Variants in ATP6V1A observed in about 807,000 individuals in gnomAD.
ATP6V1A encodes the protein ATPase H+ transporting V1 subunit A.
A neutral mutation model predicts 70.1 loss-of-function variants in ATP6V1A; 18 were observed. That is an observed-to-expected ratio of 0.26 (90% CI 0.18 to 0.38). The LOEUF (loss-of-function observed/expected upper bound fraction) is 0.38, where lower values mean the gene tolerates loss of function less well. Among genes scored for constraint, ATP6V1A ranks in the 10% least tolerant of loss-of-function variants. The pLI, the probability that ATP6V1A is intolerant of heterozygous loss-of-function variation, is 1.00. For synonymous variants in ATP6V1A, 232 were observed against 253.8 expected (o/e 0.91, Z 0.82); for missense variants, 424 against 772.4 (o/e 0.55, Z 5.35).
chr3:113,748,563 C>T (rs1335434671), intron 1 of ATP6V1A, among the ~76,000 whole-genome samples: 1 of 152,128 alleles, frequency 6.6e-6, no homozygotes, highest in Non-Finnish European at 1.5e-5. Flanking sequence ...TTTTGTTTTT[C>T]TGTGTCTTCC....
intron 11 of ATP6V1A, among the ~76,000 whole-genome samples, chr3:113,797,306 GC>G (rs922938698): frequency 5.9e-4 from 89 of 150,342 alleles, no homozygotes; most frequent in African/African-American, 1.8e-3. Context: ...AGGCTGGAGT[GC>G]AGTGGCGTGA....
At chr3:113,759,359 T>C (rs1163011452) in intron 1 of ATP6V1A, among the ~76,000 whole-genome samples, 1 of 151,636 alleles carries the variant, frequency 6.6e-6, no homozygotes, top group African/African-American at 2.4e-5. Context: ...ATATGCTTTC[T>C]ACACTGAATT....
chr3:113,782,560 G>GTGTATATATATA (rs1559755558), intron 3 of ATP6V1A, among the ~76,000 whole-genome samples: 50 of 141,900 alleles, frequency 3.5e-4, no homozygotes, highest in African/African-American at 1.1e-3. Flanking sequence ...ATATATACAT[G>GTGTATATATATA]TGTATATATA....
At chr3:113,765,926 CA>C (rs1301398842) in intron 1 of ATP6V1A, among the ~76,000 whole-genome samples, 36 of 149,962 alleles carry the variant, frequency 2.4e-4, no homozygotes, top group Admixed American at 2.2e-3. Context: ...GACTCCATCT[CA>C]AAAAAAAAGG....
chr3:113,753,374 A>G (rs758654404), intron 1 of ATP6V1A, among the ~76,000 whole-genome samples: 10 of 152,222 alleles, frequency 6.6e-5, no homozygotes, highest in Non-Finnish European at 1.0e-4. Flanking sequence ...CTAGTAAACA[A>G]TCAAGCAACA....
chr3:113,789,856 G>T lies in ATP6V1A; in HGVS notation c.988+16G>T. On this transcript the variant is annotated intron_variant, in intron 8 of 14. Coordinates refer to ENST00000273398, the MANE Select transcript of ATP6V1A (RefSeq NM_001690.4). ...ATTTATACTGGTGAGTATATAATTGGAATAAAAGCAGTTAACATCTGTTCT... is the reference window on the plus strand; with the variant it reads ...ATTTATACTGGTGAGTATATAATTGTAATAAAAGCAGTTAACATCTGTTCT... 1 of 1,551,476 alleles carries T rather than the reference G, an allele frequency of 6.4e-7. No homozygotes were observed. The highest frequency in any genetic ancestry group is 1.1e-5 in the South Asian group (1 of 89,466).
intron 1 of ATP6V1A, among the ~76,000 whole-genome samples, chr3:113,751,301 C>A (rs1708583433): frequency 6.6e-6 from 1 of 151,646 alleles, no homozygotes; most frequent in African/African-American, 2.4e-5. Context: ...TTCTTAAATT[C>A]ATGATTCACA....
In ATP6V1A at chr3:113,805,450, C is replaced by T; in HGVS notation, c.1686C>T (p.Asp562=). Residue 562 remains aspartate, a synonymous_variant, in exon 14 of 15, where the codon GAC becomes GAT. Transcript: ENST00000273398. ...RRAVETTAQS[D]NKITWSIIRE... is the part of the protein sequence containing the mutation. The stretch of plus-strand genomic sequence containing the variant: ...CTGTTGAAACCACTGCCCAGAGTGA[C>T]AATAAAATCACATGGTCCATTATTC... The T allele has an allele frequency of 1.2e-6, 2 of 1,613,864 alleles. No individual in the cohort carries two copies. Among genetic ancestry groups the T allele is most frequent in the Non-Finnish European group, 1.7e-6 (2 of 1,179,752 alleles).
intron 1 of ATP6V1A, among the ~76,000 whole-genome samples, chr3:113,764,100 G>T (rs1708739255): frequency 6.6e-6 from 1 of 152,100 alleles, no homozygotes; most frequent in Non-Finnish European, 1.5e-5. Context: ...AGCTGGGCAT[G>T]GTGGTACATG....
chr3:113,798,602 A>C (rs1467943425), intron 12 of ATP6V1A, among the ~76,000 whole-genome samples, 156 bp downstream of exon 12: 1 of 152,288 alleles, frequency 6.6e-6, no homozygotes, highest in East Asian at 1.9e-4. Context: ...AGTACTTAGC[A>C]TGGTTTTTGG....
At chr3:113,763,083 T>C (rs374701233) in intron 1 of ATP6V1A, among the ~76,000 whole-genome samples, 113 of 151,996 alleles carry the variant, frequency 7.4e-4, no homozygotes, top group African/African-American at 2.5e-3. Flanking sequence ...CTTTCCTTTT[T>C]ACCTTCCATT....
chr3:113,750,793 T>G (rs959939382), intron 1 of ATP6V1A, among the ~76,000 whole-genome samples: 2 of 152,182 alleles, frequency 1.3e-5, no homozygotes, highest in Non-Finnish European at 2.9e-5. Context: ...TTCTAAAGAC[T>G]TAAGACAACC....
rs1486467133 is a variant in ATP6V1A at position 113,750,280 on chromosome 3, C to A, written c.-14+3167C>A. ...AGATCACAACGTCAGGAGATCGAGA[C>A]CATCCTGGCTAACACGGTGAAACCC... On this transcript the variant is annotated intron_variant, in intron 1 of 14. Coordinates refer to ENST00000273398, the MANE Select transcript of ATP6V1A (RefSeq NM_001690.4). Among the ~76,000 whole-genome samples the A allele has an allele frequency of 2.6e-5, 4 of 152,192 alleles. No individual in the cohort carries two copies. In the South Asian group the frequency reaches 8.3e-4, roughly 32 times the overall value.
chr3:113,754,658 C>T (rs1464112002), intron 1 of ATP6V1A, among the ~76,000 whole-genome samples: 1 of 152,056 alleles, frequency 6.6e-6, no homozygotes, highest in African/African-American at 2.4e-5. Flanking sequence ...ACGCTTTCTG[C>T]CTTAGAGTGT....
chr3:113,769,310 G>A (rs1708806947), intron 1 of ATP6V1A, among the ~76,000 whole-genome samples: 1 of 151,960 alleles, frequency 6.6e-6, no homozygotes, highest in African/African-American at 2.4e-5. Context: ...AAGATTAACA[G>A]TGTGTGAAAA....
chr3:113,798,218 T>C, intron 11 of ATP6V1A, 25 bp from the exon 12 acceptor site: 1 of 1,607,900 alleles, frequency 6.2e-7, no homozygotes, highest in Non-Finnish European at 8.5e-7. Context: ...ATTACTGTTT[T>C]TGTGTGTGTG....
chr3:113,766,489 C>T (rs1332420831), intron 1 of ATP6V1A, among the ~76,000 whole-genome samples: 1 of 152,084 alleles, frequency 6.6e-6, no homozygotes, highest in East Asian at 1.9e-4. Context: ...GGGACAAGGT[C>T]TCACTATGTT....
At chr3:113,762,331 G>T (rs1708713514) in intron 1 of ATP6V1A, among the ~76,000 whole-genome samples, 1 of 151,868 alleles carries the variant, frequency 6.6e-6, no homozygotes, top group Non-Finnish European at 1.5e-5. Context: ...CACTTTGGGA[G>T]GCCAAAGCGG....
chr3:113,805,935 G>A (rs1194861950), intron 14 of ATP6V1A, among the ~76,000 whole-genome samples: 4 of 152,164 alleles, frequency 2.6e-5, no homozygotes, highest in Admixed American at 6.5e-5. Context: ...AAAATCAGTA[G>A]AGACCTCAAA....
Sources: allele counts gnomAD v4.1 joint callset (sites outside exome capture counted in the v4.1 genomes callset), GRCh38; gene constraint gnomAD v4.1.1; transcripts MANE v1.5; gene names NCBI Gene and HGNC (gene_info 2026-07-23, HGNC 2026-07-21).